The following PDXDC1 variants were observed in gnomAD, a reference collection of about 807,000 sequenced individuals.
PDXDC1 encodes pyridoxal-dependent decarboxylase domain-containing protein 1.
In PDXDC1, 42 loss-of-function variants were observed where a neutral mutation model predicts 100.1. The ratio of observed to expected loss-of-function variants is 0.42; its 90% CI spans 0.33 to 0.54. The LOEUF is 0.54. Ranked by LOEUF, PDXDC1 falls within the 20% of genes least tolerant of loss-of-function variation. PDXDC1 has a pLI of 0.10. For synonymous variants in PDXDC1, 260 were observed against 371.7 expected (o/e 0.70, Z 3.46); for missense variants, 636 against 979.2 (o/e 0.65, Z 4.68).
At chr16:15,010,589 G>C (rs1405250247) in intron 8 of PDXDC1, among the ~76,000 whole-genome samples, 1 of 152,282 alleles carries the variant, frequency 6.6e-6, no homozygotes, top group East Asian at 1.9e-4. Flanking sequence ...ATAGGCGGCA[G>C]AGCAACTACC....
chr16:15,040,058 T>C (rs1259022150), downstream of PDXDC1: 1 of 1,594,424 alleles, frequency 6.3e-7, no homozygotes, highest in Non-Finnish European at 8.6e-7. Flanking sequence ...GCAGTCTTAA[T>C]GTTGACAGCT....
At chr16:15,129,279 C>T (rs62039547) in intron 16 of PDXDC1, among the ~76,000 whole-genome samples, 137,261 of 149,598 alleles carry the variant, frequency 0.92, 64,231 homozygotes, top group East Asian at 1. Flanking sequence ...CTGGCTGACA[C>T]GGTGAAAAAT....
intron 16 of PDXDC1, chr16:15,135,340 C>G (rs1389961490): frequency 1.3e-6 from 2 of 1,539,450 alleles, no homozygotes; most frequent in Non-Finnish European, 1.7e-6. Flanking sequence ...TGAAGGTGTA[C>G]TCCACGCCAG....
intron 16 of PDXDC1, among the ~76,000 whole-genome samples, chr16:15,053,612 T>C (rs1005156822): frequency 2.5e-4 from 38 of 152,154 alleles, no homozygotes; most frequent in African/African-American, 8.9e-4. Context: ...CCTGTTTTAT[T>C]ATATAAAAAT....
At chr16:15,146,757 T>C in the PDXDC1 span, among the ~76,000 whole-genome samples, 4 of 151,998 alleles carry the variant, frequency 2.6e-5, no homozygotes, top group Non-Finnish European at 4.4e-5. Context: ...TCACAGTGCA[T>C]GGAGGACAGG....
intron 16 of PDXDC1, chr16:15,133,781 A>C: frequency 1.3e-6 from 2 of 1,589,346 alleles, no homozygotes; most frequent in Non-Finnish European, 1.7e-6. Flanking sequence ...CCCCCTAAGC[A>C]GGCCTGTACT....
chr16:15,132,479 T>C (rs2048151996), intron 16 of PDXDC1, among the ~76,000 whole-genome samples: 2 of 147,182 alleles, frequency 1.4e-5, no homozygotes, highest in Non-Finnish European at 3.0e-5. Context: ...ATCTTCTTAG[T>C]CCCTCCCCAC....
intron 16 of PDXDC1, chr16:15,068,363 C>T: frequency 1.4e-6 from 2 of 1,460,792 alleles, no homozygotes; most frequent in Non-Finnish European, 1.8e-6. Flanking sequence ...AATTATCACA[C>T]ATTTAAAAAA....
At chr16:15,080,226 T>C in intron 16 of PDXDC1, 1 of 1,116,102 alleles carries the variant, frequency 9.0e-7, no homozygotes, top group Non-Finnish European at 1.2e-6. Flanking sequence ...TATCCAGCAA[T>C]ACAAAAACTA....
At chr16:15,133,673 G>C in intron 16 of PDXDC1, 1 of 1,581,616 alleles carries the variant, frequency 6.3e-7, no homozygotes, top group South Asian at 1.1e-5. Context: ...GTACACCAGC[G>C]GGGCGCCAGC....
chr16:15,053,100 G>GT (rs35983792), intron 16 of PDXDC1, among the ~76,000 whole-genome samples: 46,238 of 152,040 alleles, frequency 0.3, 7,526 homozygotes, highest in Admixed American at 0.45. Context: ...GAGGAACTGA[G>GT]TTTCAATTTT....
chr16:15,061,621 A>T lies in PDXDC1; in HGVS notation c.1399+31565A>T, dbSNP rs2044713098. ...ATTCAGTCGAACCTGGAAGTGCCAC[A>T]GCCGAGGCAGGCACTCGCTCTAGTT... On this transcript the variant is annotated intron_variant, in intron 16 of 16. Transcript: ENST00000535621. The T allele has an allele frequency of 3.5e-6, 3 of 847,518 alleles. No homozygotes were observed. The East Asian group carries it at 7.8e-5, about 22-fold the overall frequency. 52.5% of individuals were successfully genotyped at this position (847,518 alleles called of 1,614,324 possible). A position where few individuals can be genotyped will look rare whatever the true frequency, so the allele number is the denominator to read the frequency against.
At chr16:15,034,688 T>A in intron 21 of PDXDC1, 135 bp downstream of exon 21, 2 of 706,616 alleles carry the variant, frequency 2.8e-6, no homozygotes, top group Non-Finnish European at 4.9e-6. Flanking sequence ...GCCGGACATC[T>A]GAGGAGACAA....
chr16:15,074,632 T>C, intron 16 of PDXDC1: 2 of 904,996 alleles, frequency 2.2e-6, no homozygotes, highest in Non-Finnish European at 3.2e-6. Flanking sequence ...TACAGGATTT[T>C]TAGTATTACT....
At chr16:15,109,434 G>A (rs1192516649) in intron 16 of PDXDC1, among the ~76,000 whole-genome samples, 1 of 147,310 alleles carries the variant, frequency 6.8e-6, no homozygotes, top group Non-Finnish European at 1.5e-5. Context: ...CGAGGTGTGC[G>A]GATCATGATG....
At chr16:15,042,877 C>T (rs543570503), downstream of PDXDC1, among the ~76,000 whole-genome samples, 10 of 151,124 alleles carry the variant, frequency 6.6e-5, no homozygotes, top group South Asian at 6.3e-4. Context: ...GGATTACAGG[C>T]GTGCGCCACC....
chr16:14,981,571 A>G (rs1358901591), intron 1 of PDXDC1, among the ~76,000 whole-genome samples: 1 of 152,278 alleles, frequency 6.6e-6, no homozygotes, highest in African/African-American at 2.4e-5. Context: ...ATTGTATGCT[A>G]TTTTTCCATC....
chr16:15,127,725 G>C, intron 16 of PDXDC1: 1 of 1,516,938 alleles, frequency 6.6e-7, no homozygotes. Flanking sequence ...ACCACACGGC[G>C]TTGGCGCCCA....
At chr16:14,988,967 G>A (rs1970053115) in intron 1 of PDXDC1, 7 of 1,614,180 alleles carry the variant, frequency 4.3e-6, no homozygotes, top group Middle Eastern at 3.3e-4. Context: ...CGCTGAAGCG[G>A]TGATCTTCAT....
Sources: allele counts gnomAD v4.1 joint callset (sites outside exome capture counted in the v4.1 genomes callset), GRCh38; gene constraint gnomAD v4.1.1; transcripts MANE v1.5; gene names NCBI Gene and HGNC (gene_info 2026-07-23, HGNC 2026-07-21).